The following SUMO2 variants were observed in gnomAD, a reference collection of about 807,000 sequenced individuals.
SUMO2 encodes small ubiquitin like modifier 2.
SUMO2 carries 1 observed loss-of-function variant against 16.0 expected under a neutral mutation model. The observed-to-expected ratio is 0.06, with a 90% confidence interval of 0.02 to 0.30. The LOEUF (loss-of-function observed/expected upper bound fraction) is 0.30. Among genes scored for constraint, SUMO2 ranks in the 10% least tolerant of loss-of-function variants. SUMO2 has a pLI of 1.00. For missense variants in SUMO2, 16 were observed against 117.5 expected (o/e 0.14, Z 3.99); for synonymous variants, 36 against 40.6 (o/e 0.89, Z 0.43).
chr17:75,182,029 G>C (rs1410765846), intron 1 of SUMO2, among the ~76,000 whole-genome samples: 1 of 152,122 alleles, frequency 6.6e-6, no homozygotes, highest in Non-Finnish European at 1.5e-5. Flanking sequence ...CCGATGATGG[G>C]TGTCCCCAAG....
chr17:75,176,519 G>A (rs2074783496), intron 2 of SUMO2, among the ~76,000 whole-genome samples: 1 of 152,008 alleles, frequency 6.6e-6, no homozygotes, highest in Non-Finnish European at 1.5e-5. Flanking sequence ...GGGAGGCTGA[G>A]GCAGGAGGAT....
In SUMO2 at chr17:75,167,428, G is replaced by C. The variant is rs1176082870; in HGVS notation, c.*911C>G. On this transcript the variant is annotated 3_prime_UTR_variant, in exon 4 of 4. Transcript: ENST00000420826. ...AATCAGAACTTTTTCCTTGCCACAT[G>C]TGCTACCCTATACCCTATGCTCCGT... 6.6e-6 allele frequency: 1 copy of C among 152,114 alleles called. No homozygotes were observed. The highest frequency in any genetic ancestry group is 1.5e-5 in the Non-Finnish European group (1 of 68,048). The allele number at this position is 152,114 out of a possible 1,614,324, so 9.4% of individuals were successfully genotyped here. A position where few individuals can be genotyped will look rare whatever the true frequency, so the allele number is the denominator to read the frequency against.
rs149148407 is a variant in SUMO2, at chr17:75,182,147, T to C, written c.21+667A>G. On this transcript the variant is annotated intron_variant, in intron 1 of 3. Coordinates refer to ENST00000420826, the MANE Select transcript of SUMO2 (RefSeq NM_006937.4). ...TCCAACTTCATGAAACCACATGGTG[T>C]TCGCGGATTAGGGGTTCGTTGGCAC... Among the ~76,000 whole-genome samples the C allele has an allele frequency of 8.9e-3, 1,359 of 152,184 alleles. 22 individuals carry two copies. The highest frequency in any genetic ancestry group is 0.032 in the African/African-American group (1,310 of 41,508).
rs1598219653 is a variant in SUMO2, at chr17:75,167,911, C to T, written c.*428G>A. ...TGGTTTTACAATGATAAATGAAAAACATTAAAATTCTCCAATTGAACAAGG... is the reference window on the plus strand; with the variant it reads ...TGGTTTTACAATGATAAATGAAAAATATTAAAATTCTCCAATTGAACAAGG... On this transcript the variant is annotated 3_prime_UTR_variant, in exon 4 of 4. Transcript: ENST00000420826. 1.2e-5 allele frequency: 2 copies of T among 160,422 alleles called. No homozygotes were observed. 9.9% of individuals were successfully genotyped at this position (160,422 alleles called of 1,614,324 possible).
chr17:75,177,984 G>A (rs1237295437), intron 2 of SUMO2, among the ~76,000 whole-genome samples: 35 of 49,964 alleles, frequency 7.0e-4, no homozygotes, highest in African/African-American at 2.4e-3. Context: ...GCGAGACTCC[G>A]TCTCAAAAAA....
At chr17:75,173,014 T>C (rs893754419) in intron 3 of SUMO2, among the ~76,000 whole-genome samples, 1 of 152,182 alleles carries the variant, frequency 6.6e-6, no homozygotes, top group Admixed American at 6.6e-5. Context: ...TTTTCAAAGA[T>C]TATCAACAAA....
At chr17:75,177,275 G>A (rs919682309) in intron 2 of SUMO2, among the ~76,000 whole-genome samples, 2 of 152,058 alleles carry the variant, frequency 1.3e-5, no homozygotes, top group Admixed American at 6.6e-5. Context: ...GCTGAGGCAG[G>A]AGAATTGCTT....
intron 2 of SUMO2, among the ~76,000 whole-genome samples, chr17:75,177,703 A>C (rs2074793384): frequency 6.6e-6 from 1 of 151,734 alleles, no homozygotes; most frequent in South Asian, 2.1e-4. Context: ...AGAAAAGAAA[A>C]GCCAGGCGTA....
At chr17:75,179,954 T>A (rs2074814119) in intron 2 of SUMO2, among the ~76,000 whole-genome samples, 1 of 152,064 alleles carries the variant, frequency 6.6e-6, no homozygotes, top group South Asian at 2.1e-4. Context: ...CTAAAGGAAG[T>A]TTTTATCTTC....
At chr17:75,168,577 G>T (rs1598220178) in intron 3 of SUMO2, among the ~76,000 whole-genome samples, 176 bp from the exon 4 acceptor site, 1 of 151,952 alleles carries the variant, frequency 6.6e-6, no homozygotes, top group African/African-American at 2.4e-5. Context: ...TTTTTCACTT[G>T]GCTTCCTTTT....
chr17:75,174,954 T>C, intron 2 of SUMO2, 131 bp from the exon 3 acceptor site: 1 of 663,762 alleles, frequency 1.5e-6, no homozygotes, highest in Non-Finnish European at 2.5e-6. Context: ...CATGTTAACA[T>C]ACCCTATAGG....
intron 3 of SUMO2, among the ~76,000 whole-genome samples, chr17:75,174,489 G>C (rs1056355261): frequency 6.6e-6 from 1 of 152,048 alleles, no homozygotes; most frequent in Non-Finnish European, 1.5e-5. Flanking sequence ...CTATAATGAG[G>C]CCACTACACT....
At chr17:75,182,748 C>G in intron 1 of SUMO2, 66 bp downstream of exon 1, 1 of 1,254,850 alleles carries the variant, frequency 8.0e-7, no homozygotes, top group Non-Finnish European at 1.0e-6. Context: ...CGGGCTCTGG[C>G]CGGACCCCGG....
At position 75,177,750 on chromosome 17, in the gene SUMO2, C is replaced by T. The variant is rs144378848; in HGVS notation, c.154-2927G>A. On this transcript the variant is annotated intron_variant, in intron 2 of 3. Transcript: ENST00000420826. Reference sequence around the variant, plus strand: ...CTGTAATCCCAGCACTTTGGGAGGCCGAGGTGGCGAGACGGGTGGGTCACC... The same window carrying T: ...CTGTAATCCCAGCACTTTGGGAGGCTGAGGTGGCGAGACGGGTGGGTCACC... 5.0e-3 allele frequency among the ~76,000 whole-genome samples: 759 copies of T among 151,676 alleles called. 4 individuals carry two copies. Among genetic ancestry groups the T allele is most frequent in the African/African-American group, 0.018 (726 of 41,364 alleles).
chr17:75,179,894 C>T (rs573303726), intron 2 of SUMO2, among the ~76,000 whole-genome samples: 3 of 152,142 alleles, frequency 2.0e-5, no homozygotes, highest in Non-Finnish European at 4.4e-5. Context: ...TGCCACCTGC[C>T]TCAGTCTCCC....
At chr17:75,180,412 A>AAAAC (rs1568049216) in intron 2 of SUMO2, among the ~76,000 whole-genome samples, 2 of 142,450 alleles carry the variant, frequency 1.4e-5, no homozygotes, top group South Asian at 4.4e-4. Flanking sequence ...AAAAAAAAAA[A>AAAAC]AAAAAAAAAC....
intron 2 of SUMO2, among the ~76,000 whole-genome samples, chr17:75,177,220 T>C (rs1307149461): frequency 6.6e-6 from 1 of 151,270 alleles, no homozygotes; most frequent in Non-Finnish European, 1.5e-5. Flanking sequence ...TACAAAAAAT[T>C]AGCCAGGCTA....
Position 75,166,205 on chromosome 17 carries a change from G to C in SUMO2, c.*2134C>G, listed in dbSNP as rs1198795493. ...AATAATAAAAATTTGGCCGGGCACA[G>C]TGGCTCAAGCCTGTAATCTCAGCAC... On this transcript the variant is annotated 3_prime_UTR_variant, in exon 4 of 4. Coordinates refer to ENST00000420826, the MANE Select transcript of SUMO2 (RefSeq NM_006937.4). The C allele has an allele frequency of 6.6e-6, 1 of 152,238 alleles. No individual in the cohort carries two copies. Among genetic ancestry groups the C allele is most frequent in the Non-Finnish European group, 1.5e-5 (1 of 68,102 alleles). The allele number at this position is 152,238 out of a possible 1,614,324, so 9.4% of individuals were successfully genotyped here.
Position 75,178,509 on chromosome 17 carries a change from C to CAAA in SUMO2, c.153+2545_153+2547dup, listed in dbSNP as rs545816366. On this transcript the variant is annotated intron_variant, in intron 2 of 3. Coordinates refer to ENST00000420826, the MANE Select transcript of SUMO2 (RefSeq NM_006937.4). ...AGCCTGGGCAACAGTGCGAGACTCT[C>CAAA]AAAAAAAAAAAAAAAAAAGAAAAGA... Among the ~76,000 whole-genome samples the CAAA allele has an allele frequency of 3.3e-3, 249 of 74,816 alleles. 1 individual carries two copies. The highest frequency in any genetic ancestry group is 0.013 in the African/African-American group (231 of 17,910). The allele number at this position is 74,816 out of a possible 152,430, so 49.1% of individuals were successfully genotyped here.
Sources: allele counts gnomAD v4.1 joint callset (sites outside exome capture counted in the v4.1 genomes callset), GRCh38; gene constraint gnomAD v4.1.1; transcripts MANE v1.5; gene names NCBI Gene and HGNC (gene_info 2026-07-23, HGNC 2026-07-21).